GDPD3: variants seen among roughly 807,000 people sequenced by gnomAD.
The protein encoded by GDPD3 is glycerophosphodiester phosphodiesterase domain containing 3, also known as lysophospholipase D GDPD3.
A neutral mutation model predicts 43.7 loss-of-function variants in GDPD3; 40 were observed. The observed-to-expected ratio is 0.91, with a 90% CI of 0.71 to 1.19. The LOEUF is 1.19. Ranked by LOEUF, GDPD3 falls within the 50% of genes most tolerant of loss-of-function variation. The pLI is 0.00. For synonymous variants in GDPD3, 145 were observed against 162.9 expected (o/e 0.89, Z 0.84); for missense variants, 363 against 415.8 (o/e 0.87, Z 1.11).
intron 6 of GDPD3, 146 bp from the exon 7 acceptor site, chr16:30,111,667 T>C (rs1348709272): frequency 2.0e-5 from 17 of 850,956 alleles, no homozygotes; most frequent in Non-Finnish European, 3.2e-5. Flanking sequence ...GTGTGGTGGC[T>C]CACGCCTGTA....
intron 9 of GDPD3, among the ~76,000 whole-genome samples, chr16:30,106,485 T>A (rs2151039542): frequency 6.6e-6 from 1 of 152,218 alleles, no homozygotes; most frequent in Middle Eastern, 3.4e-3. Context: ...CTCTGCCCCT[T>A]CCCTGCCCGT....
At chr16:30,106,369 A>G (rs2072860905) in intron 9 of GDPD3, among the ~76,000 whole-genome samples, 1 of 152,104 alleles carries the variant, frequency 6.6e-6, no homozygotes, top group Non-Finnish European at 1.5e-5. Context: ...TAATCCTCAA[A>G]TCAGGGCTTT....
chr16:30,112,131 C>A lies in GDPD3; in HGVS notation c.573+1G>T. On this transcript the variant is annotated splice_donor_variant, in intron 6 of 9. Coordinates refer to ENST00000406256, the MANE Select transcript of GDPD3 (RefSeq NM_024307.3). LOFTEE classifies it high-confidence loss of function. This position sits in a 1 kb window ranked among gnomAD's most constrained non-coding sequence, Gnocchi z 5.4. ...GACGGGGGAGGGGTGGGGGGACTCA[C>A]GGCAGCCTTGCATTTCTTCATGACC... is the stretch of plus-strand genomic sequence containing the variant. 6.2e-7 allele frequency: 1 copy of A among 1,612,646 alleles called. No homozygotes were observed. Among genetic ancestry groups the A allele is most frequent in the Non-Finnish European group, 8.5e-7 (1 of 1,179,024 alleles).
chr16:30,108,844 T>C (rs975882790), intron 7 of GDPD3, among the ~76,000 whole-genome samples: 1 of 151,816 alleles, frequency 6.6e-6, no homozygotes, highest in Non-Finnish European at 1.5e-5. Context: ...TAATTTTTTT[T>C]TTTTTGAGAC....
intron 6 of GDPD3, 129 bp from the exon 7 acceptor site, chr16:30,111,650 G>C: frequency 9.5e-7 from 1 of 1,048,488 alleles, no homozygotes. Flanking sequence ...TCACATCTTG[G>C]GGCTGGGTGT....
At chr16:30,108,082 T>C (rs1382612623) in intron 9 of GDPD3, 131 bp downstream of exon 9, 3 of 672,036 alleles carry the variant, frequency 4.5e-6, no homozygotes, top group Non-Finnish European at 7.6e-6. Context: ...AATATACCAT[T>C]TTCCCATTTT....
In GDPD3 at chr16:30,112,600, C is replaced by T. The variant is rs775547129; in HGVS notation, c.319-32G>A. On this transcript the variant is annotated intron_variant, in intron 3 of 9. Transcript: ENST00000406256. This position sits in a 1 kb window ranked among gnomAD's most constrained non-coding sequence, Gnocchi z 5.4. ...AGGACAGGAAGGATGTCACTAGAGG[C>T]CCGCATTGGGCATGGTGACTCTCAG... 6.2e-7 allele frequency: 1 copy of T among 1,613,960 alleles called. No homozygotes were observed. The highest frequency in any genetic ancestry group is 1.3e-5 in the African/African-American group (1 of 74,920).
Position 30,112,137 on chromosome 16 carries a change from C to T in GDPD3, c.568G>A (p.Ala190Thr). 3 of 1,613,304 alleles carry T rather than the reference C, an allele frequency of 1.9e-6. No individual in the cohort carries two copies. Among genetic ancestry groups the T allele is most frequent in the Non-Finnish European group, 2.5e-6 (3 of 1,179,576 alleles). The change falls in exon 6 of 10, where the codon GCT (alanine) becomes ACT (threonine). Residue 190 changes from alanine to threonine, a missense_variant. Physicochemically the swap from Ala to Thr is moderately conservative, Grantham distance 58 (BLOSUM62 0). Coordinates refer to ENST00000406256, the MANE Select transcript of GDPD3 (RefSeq NM_024307.3). This position sits in a 1 kb window ranked among gnomAD's most constrained non-coding sequence, Gnocchi z 5.4. The stretch of plus-strand genomic sequence containing the variant: ...GGAGGGGTGGGGGGACTCACGGCAG[C>T]CTTGCATTTCTTCATGACCGAGCTC... ...EKSSVMKKCKAANPEMPLSFT... is the reference protein window; with the variant it reads ...EKSSVMKKCKTANPEMPLSFT...
At chr16:30,110,524 C>T (rs1481789170) in intron 7 of GDPD3, 1 of 151,970 alleles carries the variant, frequency 6.6e-6, no homozygotes, top group Non-Finnish European at 1.5e-5. Flanking sequence ...GGACTTCCTT[C>T]TGGACAACAG....
intron 6 of GDPD3, chr16:30,111,788 C>G: frequency 1.9e-6 from 1 of 523,418 alleles, no homozygotes. Flanking sequence ...CAAAAATTAG[C>G]TGGGCGTGGT....
intron 7 of GDPD3, chr16:30,111,123 G>A (rs963081259): frequency 1.1e-5 from 4 of 375,390 alleles, no homozygotes; most frequent in Non-Finnish European, 1.9e-5. Flanking sequence ...ACTGCACCTG[G>A]GACAGAGTAG....
chr16:30,112,619 C>T lies in GDPD3; in HGVS notation c.318+39G>A, dbSNP rs776313331. Reference sequence around the variant, plus strand: ...TAGAGGCCCGCATTGGGCATGGTGACTCTCAGGGTGGGGGTTGGGGTGTCA... The same window carrying T: ...TAGAGGCCCGCATTGGGCATGGTGATTCTCAGGGTGGGGGTTGGGGTGTCA... On this transcript the variant is annotated intron_variant, in intron 3 of 9. Transcript: ENST00000406256. This position sits in a 1 kb window ranked among gnomAD's most constrained non-coding sequence, Gnocchi z 5.4. The T allele has an allele frequency of 1.2e-6, 2 of 1,613,920 alleles. No individual in the cohort carries two copies. The highest frequency in any genetic ancestry group is 1.7e-6 in the Non-Finnish European group (2 of 1,179,910).
At chr16:30,111,166 T>C (rs778285445) in intron 7 of GDPD3, 14 of 517,752 alleles carry the variant, frequency 2.7e-5, no homozygotes, top group African/African-American at 3.9e-5. Flanking sequence ...TGGCCTGAGA[T>C]GGATAAATTA....
Position 30,112,030 on chromosome 16 carries a change from C to T in GDPD3, c.573+102G>A. 1.1e-6 allele frequency: 1 copy of T among 892,384 alleles called. No individual in the cohort carries two copies. Among genetic ancestry groups the T allele is most frequent in the Non-Finnish European group, 1.8e-6 (1 of 550,920 alleles). 55.3% of individuals were successfully genotyped at this position (892,384 alleles called of 1,614,324 possible). On this transcript the variant is annotated intron_variant, in intron 6 of 9. Coordinates refer to ENST00000406256, the MANE Select transcript of GDPD3 (RefSeq NM_024307.3). The surrounding 1 kb of genome is among the most constrained non-coding windows in gnomAD (Gnocchi z 5.4). ...ACCGCCACGCCACTGGGAACTCTCC[C>T]AGACCCCTCTAGCTCGGGTCCCCAT...
In GDPD3 at chr16:30,108,249, C is replaced by G. The variant is rs1330083989; in HGVS notation, c.783G>C (p.Lys261Asn). 1.2e-6 allele frequency: 2 copies of G among 1,611,022 alleles called. No homozygotes were observed. Among genetic ancestry groups the G allele is most frequent in the East Asian group, 2.2e-5 (1 of 44,758 alleles). ...GCTCCTCCAAGTGTCGGATCAGACT[C>G]TTCCTCATGATCAGCCTGGGGGTGG... is the stretch of plus-strand genomic sequence containing the variant. ...AVVSKWLIMR[K>N]SLIRHLEERG... The change falls in exon 9 of 10, where the codon AAG (lysine) becomes AAC (asparagine). Residue 261 changes from lysine (K) to asparagine (N), a missense_variant. Physicochemically the swap from Lys to Asn is moderately conservative, Grantham distance 94 (BLOSUM62 0). Coordinates refer to ENST00000406256, the MANE Select transcript of GDPD3 (RefSeq NM_024307.3).
Position 30,113,378 on chromosome 16 carries a change from G to T in GDPD3, c.101C>A (p.Ala34Asp). 1.2e-6 allele frequency: 2 copies of T among 1,610,814 alleles called. No individual in the cohort carries two copies. The highest frequency in any genetic ancestry group is 1.7e-6 in the Non-Finnish European group (2 of 1,178,074). ...CCCCAGGCGGATGCGGAAGGTGGGAGCCCTGGGCGTGTGCAGCAGATGAGG... is the reference window on the plus strand; with the variant it reads ...CCCCAGGCGGATGCGGAAGGTGGGATCCCTGGGCGTGTGCAGCAGATGAGG... ...RRPHLLHTPR[A>D]PTFRIRLGAH... The change falls in exon 1 of 10, where the codon GCT becomes GAT. Residue 34 changes from alanine (A) to aspartate (D), a missense_variant. Coordinates refer to ENST00000406256, the MANE Select transcript of GDPD3 (RefSeq NM_024307.3). The surrounding 1 kb of genome is among the most constrained non-coding windows in gnomAD (Gnocchi z 5.9).
At chr16:30,111,120 C>T (rs1258614343) in intron 7 of GDPD3, 2 of 364,770 alleles carry the variant, frequency 5.5e-6, no homozygotes, top group Non-Finnish European at 1.0e-5. Context: ...ATAACTGCAC[C>T]TGGGACAGAG....
Position 30,112,792 on chromosome 16 carries a change from A to T in GDPD3, c.184T>A (p.Ser62Thr), listed in dbSNP as rs1434606753. 6.2e-7 allele frequency: 1 copy of T among 1,605,068 alleles called. No homozygotes were observed. Among genetic ancestry groups the T allele is most frequent in the Non-Finnish European group, 8.5e-7 (1 of 1,179,190 alleles). The change falls in exon 3 of 10, where the codon TCC (serine) becomes ACC (threonine). Residue 62 changes from serine to threonine, a missense_variant and splice_region_variant. Ser to Thr is a moderately conservative substitution (Grantham distance 58). Transcript: ENST00000406256. This position sits in a 1 kb window ranked among gnomAD's most constrained non-coding sequence, Gnocchi z 5.4. Reference sequence around the variant, plus strand: ...AGGAGGTCCGAGCGCTGGGCCATGGAGCTGTGGGGGTGAAGGTCAGCGGGG... The same window carrying T: ...AGGAGGTCCGAGCGCTGGGCCATGGTGCTGTGGGGGTGAAGGTCAGCGGGG... ...LENTMEAMEN[S>T]MAQRSDLLEL... is the part of the protein sequence containing the mutation.
In GDPD3 at chr16:30,112,221, T is replaced by C. The variant is rs944331760; in HGVS notation, c.484A>G (p.Ile162Val). 4 of 1,613,850 alleles carry C rather than the reference T, an allele frequency of 2.5e-6. No homozygotes were observed. The highest frequency in any genetic ancestry group is 2.5e-6 in the Non-Finnish European group (3 of 1,179,980). ...KGKNEELIRE[I>V]AGLVRRYDRN... ...TCATAGCGTCTCACCAAGCCTGCTA[T>C]CTGGGAGGAGGAGAAGGAGGTGAAG... The change falls in exon 6 of 10, where the codon ATA becomes GTA. Residue 162 changes from isoleucine (I) to valine (V), a missense_variant and splice_region_variant. Transcript: ENST00000406256. The surrounding 1 kb of genome is among the most constrained non-coding windows in gnomAD (Gnocchi z 5.4).
Sources: gnomAD v4.1 joint callset for allele counts (sites outside exome capture counted in the v4.1 genomes callset) on GRCh38, gnomAD v4.1.1 for gene constraint, Gnocchi (gnomAD v3.1) non-coding constraint, MANE v1.5 for transcripts, NCBI Gene and HGNC (gene_info 2026-07-23, HGNC 2026-07-21) for gene names.